Variants in CTNNA2 observed in about 807,000 individuals in gnomAD.
CTNNA2 encodes the protein catenin alpha-2.
CTNNA2 carries 42 observed loss-of-function variants against 101.0 expected under a neutral mutation model. That is an observed-to-expected ratio of 0.42 (90% confidence interval 0.32 to 0.54). The LOEUF (loss-of-function observed/expected upper bound fraction) is 0.54. Among genes scored for constraint, CTNNA2 ranks in the 20% least tolerant of loss-of-function variants. The pLI is 0.14. For missense variants in CTNNA2, 871 were observed against 1,223.1 expected, an observed-to-expected ratio of 0.71 and a Z score of 4.29; for synonymous variants, 450 against 456.4, an observed-to-expected ratio of 0.99 and a Z score of 0.18.
intron 7 of CTNNA2, among the ~76,000 whole-genome samples, chr2:80,151,375 C>T (rs1703686955): frequency 6.6e-6 from 1 of 152,072 alleles, no homozygotes; most frequent in African/African-American, 2.4e-5. Flanking sequence ...AGTGTAGAGT[C>T]CTTTGATGAG....
At chr2:79,249,138 G>T (rs1406798811) in intron 2 of CTNNA2, among the ~76,000 whole-genome samples, 1 of 152,012 alleles carries the variant, frequency 6.6e-6, no homozygotes, top group African/African-American at 2.4e-5. Context: ...CTGTAAAATG[G>T]CAATAATAAT....
intron 8 of CTNNA2, among the ~76,000 whole-genome samples, chr2:80,412,450 A>T (rs1312966144): frequency 6.6e-6 from 1 of 152,224 alleles, no homozygotes; most frequent in African/African-American, 2.4e-5. Flanking sequence ...GAACATGAGG[A>T]GTAGACTACT....
chr2:80,238,650 C>T (rs1709667819), intron 7 of CTNNA2, among the ~76,000 whole-genome samples: 1 of 152,074 alleles, frequency 6.6e-6, no homozygotes, highest in Non-Finnish European at 1.5e-5. Context: ...GAAAGTGAAC[C>T]TCTTTGCTTA....
intron 18 of CTNNA2, among the ~76,000 whole-genome samples, chr2:80,641,135 T>C (rs559092268): frequency 6.6e-6 from 1 of 152,304 alleles, no homozygotes; most frequent in African/African-American, 2.4e-5. Flanking sequence ...AAGGCCCAAA[T>C]GGAACTGGTT....
At chr2:80,324,053 A>C (rs1185248538) in intron 7 of CTNNA2, among the ~76,000 whole-genome samples, 1 of 152,194 alleles carries the variant, frequency 6.6e-6, no homozygotes, top group Non-Finnish European at 1.5e-5. Context: ...AAAAAAACAA[A>C]TAACCTCTCT....
chr2:79,807,155 AAT>A (rs1676643594), intron 3 of CTNNA2, among the ~76,000 whole-genome samples: 1 of 152,150 alleles, frequency 6.6e-6, no homozygotes, highest in East Asian at 1.9e-4. Context: ...TTTAAATACA[AAT>A]ATATTTTTGG....
intron 1 of CTNNA2, chr2:79,195,865 T>C: frequency 2.0e-6 from 1 of 508,316 alleles, no homozygotes; most frequent in South Asian, 1.4e-5. Context: ...CCTTCAAATA[T>C]AAAAGGTAAA....
chr2:79,322,375 T>C (rs1035088435), intron 3 of CTNNA2, among the ~76,000 whole-genome samples: 3 of 152,220 alleles, frequency 2.0e-5, no homozygotes, highest in South Asian at 2.1e-4. Flanking sequence ...ATAGTGGTGT[T>C]CCATTTTTAT....
At chr2:80,244,057 A>C (rs1001506888) in intron 7 of CTNNA2, among the ~76,000 whole-genome samples, 2 of 152,208 alleles carry the variant, frequency 1.3e-5, no homozygotes, top group African/African-American at 4.8e-5. Flanking sequence ...AAGAAGAAAA[A>C]CACAGACCAA....
At chr2:79,258,320 T>C (rs1674874978) in intron 2 of CTNNA2, among the ~76,000 whole-genome samples, 1 of 152,240 alleles carries the variant, frequency 6.6e-6, no homozygotes, top group Admixed American at 6.5e-5. Context: ...TTGGTCATTT[T>C]GTATCCATGC....
At chr2:80,107,948 CT>C (rs1283732189) in intron 7 of CTNNA2, among the ~76,000 whole-genome samples, 1 of 152,206 alleles carries the variant, frequency 6.6e-6, no homozygotes, top group Non-Finnish European at 1.5e-5. Flanking sequence ...GTTGGCACCC[CT>C]GTCACAAGTC....
At chr2:80,153,140 G>A (rs965909178) in intron 7 of CTNNA2, among the ~76,000 whole-genome samples, 5 of 152,192 alleles carry the variant, frequency 3.3e-5, no homozygotes, top group Non-Finnish European at 1.5e-5. Context: ...CGTTGCCACT[G>A]ATGCTTGTGC....
intron 3 of CTNNA2, among the ~76,000 whole-genome samples, chr2:79,795,475 T>A (rs1675625474): frequency 6.6e-6 from 1 of 152,054 alleles, no homozygotes; most frequent in Non-Finnish European, 1.5e-5. Context: ...TTGCAAAATT[T>A]AAGGGTATAA....
At chr2:79,950,856 C>T (rs12994697) in intron 7 of CTNNA2, among the ~76,000 whole-genome samples, 82,677 of 151,992 alleles carry the variant, frequency 0.54, 22,923 homozygotes, top group East Asian at 0.62. Flanking sequence ...ACCCACCATA[C>T]ACAGGTGTTT....
At chr2:80,188,463 G>A (rs1345189732) in intron 7 of CTNNA2, among the ~76,000 whole-genome samples, 1 of 152,130 alleles carries the variant, frequency 6.6e-6, no homozygotes, top group African/African-American at 2.4e-5. Context: ...TTAGAGGCTT[G>A]AAACAACAAA....
chr2:79,288,684 G>A (rs1330148545), intron 2 of CTNNA2, among the ~76,000 whole-genome samples: 2 of 152,244 alleles, frequency 1.3e-5, no homozygotes, highest in Middle Eastern at 3.4e-3. Flanking sequence ...TCCAACTGCT[G>A]TTTTTCTAAG....
chr2:80,384,755 A>T (rs1357248848), intron 7 of CTNNA2, among the ~76,000 whole-genome samples: 1 of 151,702 alleles, frequency 6.6e-6, no homozygotes, highest in African/African-American at 2.4e-5. Context: ...GCTGGGGAAA[A>T]CCCTGTGAAT....
intron 7 of CTNNA2, among the ~76,000 whole-genome samples, chr2:79,944,601 G>A (rs1177852199): frequency 6.6e-6 from 1 of 152,136 alleles, no homozygotes; most frequent in African/African-American, 2.4e-5. Context: ...CGGGGTGGGG[G>A]TAGGGACCTG....
At chr2:80,212,821 T>C (rs1707988540) in intron 7 of CTNNA2, among the ~76,000 whole-genome samples, 1 of 152,168 alleles carries the variant, frequency 6.6e-6, no homozygotes, top group East Asian at 1.9e-4. Flanking sequence ...TGGTAGAATT[T>C]GGCTGTGAAT....
Sources: gnomAD v4.1 joint callset for allele counts (sites outside exome capture counted in the v4.1 genomes callset) on GRCh38, gnomAD v4.1.1 for gene constraint, MANE v1.5 for transcripts, NCBI Gene and HGNC (gene_info 2026-07-23, HGNC 2026-07-21) for gene names.